GATC: variants seen among roughly 807,000 people sequenced by gnomAD.
GATC encodes glutamyl-tRNA amidotransferase subunit C.
GATC carries 11 observed loss-of-function variants against 14.4 expected under a neutral mutation model. The observed-to-expected ratio is 0.77, with a 90% confidence interval of 0.48 to 1.27. The LOEUF is 1.27. Ranked by LOEUF, GATC falls within the 50% of genes most tolerant of loss-of-function variation. The pLI is 0.00. For missense variants in GATC, 204 were observed against 183.0 expected (o/e 1.11, Z -0.66); for synonymous variants, 76 against 79.3 (o/e 0.96, Z 0.22).
chr12:120,446,565 A>C lies in GATC; in HGVS notation c.81+4A>C. 1 of 1,598,660 alleles carries C rather than the reference A, an allele frequency of 6.3e-7. No individual in the cohort carries two copies. Among genetic ancestry groups the C allele is most frequent in the Non-Finnish European group, 8.5e-7 (1 of 1,172,972 alleles). On this transcript the variant is annotated splice_donor_region_variant and intron_variant, in intron 1 of 3. Coordinates refer to ENST00000551765, the MANE Select transcript of GATC (RefSeq NM_176818.3). ...CACCTCCAAGGCGGATCCTCAGGTA[A>C]AGGCCAGGGCCATCTAGGCGGGTGG...
chr12:120,447,056 GTT>G (rs11340122), intron 2 of GATC, among the ~76,000 whole-genome samples: 3 of 142,616 alleles, frequency 2.1e-5, no homozygotes, highest in East Asian at 2.0e-4. Flanking sequence ...CACTGCCTTT[GTT>G]TTTTTTTTTG....
intron 2 of GATC, among the ~76,000 whole-genome samples, chr12:120,448,847 T>C (rs927656141): frequency 4.0e-5 from 6 of 151,648 alleles, no homozygotes; most frequent in African/African-American, 1.5e-4. Context: ...GGTTTCACCA[T>C]GTTGGCCAGG....
intron 2 of GATC, among the ~76,000 whole-genome samples, chr12:120,447,507 C>T (rs1450973526): frequency 2.0e-5 from 3 of 152,142 alleles, no homozygotes; most frequent in Non-Finnish European, 4.4e-5. Flanking sequence ...TAGATCTCTG[C>T]ACTGGCCCTT....
chr12:120,446,684 A>G lies in GATC; in HGVS notation c.109A>G (p.Ile37Val). ...CAGTGGCCGGATCACGGCTGCGGTGATCGAGCACCTGGAGCGTCTAGCGCT... is the reference window on the plus strand; with the variant it reads ...CAGTGGCCGGATCACGGCTGCGGTGGTCGAGCACCTGGAGCGTCTAGCGCT... ...QGSGRITAAV[I>V]EHLERLALVD... The change falls in exon 2 of 4, where the codon ATC becomes GTC. Residue 37 changes from isoleucine (I) to valine (V), a missense_variant. Transcript: ENST00000551765. 1 of 1,613,314 alleles carries G rather than the reference A, an allele frequency of 6.2e-7. No individual in the cohort carries two copies. The highest frequency in any genetic ancestry group is 8.5e-7 in the Non-Finnish European group (1 of 1,179,758).
chr12:120,456,931 G>A (rs984959929), intron 2 of GATC, 145 bp from the exon 3 acceptor site: 1 of 636,490 alleles, frequency 1.6e-6, no homozygotes, highest in African/African-American at 1.8e-5. Context: ...TTGGTCTACT[G>A]TTGATCCCAG....
chr12:120,447,056 GTTTTT>G (rs11340122), intron 2 of GATC, among the ~76,000 whole-genome samples: 4 of 142,598 alleles, frequency 2.8e-5, no homozygotes, highest in Non-Finnish European at 4.6e-5. Context: ...CACTGCCTTT[GTTTTT>G]TTTTTTGTTT....
At chr12:120,448,763 A>C (rs1877953462) in intron 2 of GATC, among the ~76,000 whole-genome samples, 1 of 142,442 alleles carries the variant, frequency 7.0e-6, no homozygotes, top group African/African-American at 2.7e-5. Context: ...CTCTTGCCTC[A>C]GCCTCCCGAG....
rs773613181 is a variant in GATC, at chr12:120,457,149, G to A, written c.328G>A (p.Val110Ile). 2.9e-5 allele frequency: 46 copies of A among 1,613,790 alleles called. No homozygotes were observed. The highest frequency in any genetic ancestry group is 3.7e-5 in the Non-Finnish European group (44 of 1,179,874). ...TGAATTACTACAAAACTCCCATCGC[G>A]TCGTGGAGGAGTACTTTGTGGCCCC... ...ADELLQNSHR[V>I]VEEYFVAPPG... The change falls in exon 3 of 4, where the codon GTC (valine) becomes ATC (isoleucine). Residue 110 changes from valine to isoleucine, a missense_variant. Transcript: ENST00000551765.
At chr12:120,456,942 C>G (rs923455420) in intron 2 of GATC, 134 bp from the exon 3 acceptor site, 2 of 647,126 alleles carry the variant, frequency 3.1e-6, no homozygotes, top group African/African-American at 3.6e-5. Flanking sequence ...TTGATCCCAG[C>G]TTCTCTATCT....
At position 120,461,871 on chromosome 12, in the gene GATC, T is replaced by A; in HGVS notation, c.*1912T>A. The A allele has an allele frequency of 1.2e-6, 1 of 842,656 alleles. No individual in the cohort carries two copies. The highest frequency in any genetic ancestry group is 1.7e-6 in the Non-Finnish European group (1 of 597,596). 52.2% of individuals were successfully genotyped at this position (842,656 alleles called of 1,614,324 possible). A position where few individuals can be genotyped will look rare whatever the true frequency, so the allele number is the denominator to read the frequency against. On this transcript the variant is annotated 3_prime_UTR_variant, in exon 4 of 4. Transcript: ENST00000551765. ...TGTTTCACTGCTAATATGGCCCTGGTAGAAATTATGTAGTTTTTTTTCTTC... is the reference window on the plus strand; with the variant it reads ...TGTTTCACTGCTAATATGGCCCTGGAAGAAATTATGTAGTTTTTTTTCTTC...
intron 2 of GATC, among the ~76,000 whole-genome samples, chr12:120,452,820 G>A (rs949782732): frequency 2.0e-5 from 3 of 151,742 alleles, no homozygotes; most frequent in Non-Finnish European, 4.4e-5. Flanking sequence ...TCAGCCTCCC[G>A]AGTAGCTGAG....
chr12:120,446,484 T>TGG lies in GATC; in HGVS notation c.5_6dup (p.Ser3GlyfsTer35). The TGG allele has an allele frequency of 6.2e-7, 1 of 1,606,756 alleles. No homozygotes were observed. Among genetic ancestry groups the TGG allele is most frequent in the East Asian group, 2.2e-5 (1 of 44,694 alleles). On this transcript the variant is annotated frameshift_variant, in exon 1 of 4. Transcript: ENST00000551765. LOFTEE classifies it high-confidence loss of function. ...GCGGGGGCCAAGGAAGGAAGAAATG[T>TGG]GGTCGCGGTTGGTGTGGCTGGGCCT...
intron 2 of GATC, chr12:120,455,144 A>T (rs563523217): frequency 8.6e-6 from 2 of 231,806 alleles, no homozygotes; most frequent in East Asian, 2.2e-4. Flanking sequence ...TGGCCTCCCA[A>T]AGTGCTGGGA....
rs1028512844 is a variant in GATC, at chr12:120,460,778, G to A, written c.*819G>A. ...CCCAGCACTTTGGGAGGCTGAGACG[G>A]GCGGATCACAAGGTCAGGAGATCAA... On this transcript the variant is annotated 3_prime_UTR_variant, in exon 4 of 4. Coordinates refer to ENST00000551765, the MANE Select transcript of GATC (RefSeq NM_176818.3). The A allele has an allele frequency of 3.9e-5, 6 of 152,078 alleles. No homozygotes were observed. Among genetic ancestry groups the A allele is most frequent in the African/African-American group, 1.4e-4 (6 of 41,394 alleles). 9.4% of individuals were successfully genotyped at this position (152,078 alleles called of 1,614,324 possible). A position where few individuals can be genotyped will look rare whatever the true frequency, so the allele number is the denominator to read the frequency against.
intron 2 of GATC, among the ~76,000 whole-genome samples, chr12:120,451,872 A>ATTATTTTTTTTTTTTTT (rs1555219520): frequency 1.1e-5 from 1 of 88,134 alleles, no homozygotes; most frequent in Non-Finnish European, 2.3e-5. Context: ...AATTATATAA[A>ATTATTTTTTTTTTTTTT]TTCTTTTTTT....
chr12:120,451,881 T>TTTTTTTCTTTTC (rs1297254568), intron 2 of GATC, among the ~76,000 whole-genome samples: 3 of 126,796 alleles, frequency 2.4e-5, no homozygotes, highest in South Asian at 2.9e-4. Context: ...AATTCTTTTT[T>TTTTTTTCTTTTC]TTTTTTTTTT....
At chr12:120,450,118 A>G (rs1187929480) in intron 2 of GATC, among the ~76,000 whole-genome samples, 2 of 152,236 alleles carry the variant, frequency 1.3e-5, no homozygotes, top group Non-Finnish European at 2.9e-5. Context: ...CAGAGTCATC[A>G]GAATTTCCCC....
At position 120,462,031 on chromosome 12, in the gene GATC, G is replaced by T. The variant is rs777833144; in HGVS notation, c.*2072G>T. Reference sequence around the variant, plus strand: ...CCCATCACCTGTCTCAGTAGGGCCTGAAAGGAGAGAAGTAGTGTGGGGAAC... The same window carrying T: ...CCCATCACCTGTCTCAGTAGGGCCTTAAAGGAGAGAAGTAGTGTGGGGAAC... On this transcript the variant is annotated 3_prime_UTR_variant, in exon 4 of 4. Coordinates refer to ENST00000551765, the MANE Select transcript of GATC (RefSeq NM_176818.3). 1 of 1,611,204 alleles carries T rather than the reference G, an allele frequency of 6.2e-7. No individual in the cohort carries two copies. The highest frequency in any genetic ancestry group is 1.3e-5 in the African/African-American group (1 of 74,936).
At position 120,461,964 on chromosome 12, in the gene GATC, GCA is replaced by G; in HGVS notation, c.*2008_*2009del. 1 of 1,504,324 alleles carries G rather than the reference GCA, an allele frequency of 6.6e-7. No individual in the cohort carries two copies. Among genetic ancestry groups the G allele is most frequent in the Non-Finnish European group, 8.9e-7 (1 of 1,119,198 alleles). 93.2% of individuals were successfully genotyped at this position (1,504,324 alleles called of 1,614,324 possible). A position where few individuals can be genotyped will look rare whatever the true frequency, so the allele number is the denominator to read the frequency against. The stretch of plus-strand genomic sequence containing the variant: ...CCTCAATCTGGAATGTAGATTCTGA[GCA>G]CAAAGCAGCTCAGTTAACCTAAAAA... On this transcript the variant is annotated 3_prime_UTR_variant, in exon 4 of 4. Coordinates refer to ENST00000551765, the MANE Select transcript of GATC (RefSeq NM_176818.3).
Sources: allele counts gnomAD v4.1 joint callset (sites outside exome capture counted in the v4.1 genomes callset), GRCh38; gene constraint gnomAD v4.1.1; transcripts MANE v1.5; gene names NCBI Gene and HGNC (gene_info 2026-07-23, HGNC 2026-07-21).